Variants in CAP2 observed in about 807,000 individuals in gnomAD.
The protein encoded by CAP2 is cyclase associated actin cytoskeleton regulatory protein 2.
Under a neutral mutation model 57.7 loss-of-function variants are expected in CAP2, and 24 were observed. The observed-to-expected ratio is 0.42, with a 90% confidence interval of 0.30 to 0.58. The LOEUF (loss-of-function observed/expected upper bound fraction) is 0.58, where lower values mean the gene tolerates loss of function less well. CAP2 is among the 20% of genes least tolerant of loss of function. The pLI is 0.22. For missense variants in CAP2, 501 were observed against 590.3 expected, an observed-to-expected ratio of 0.85 and a Z score of 1.57; for synonymous variants, 194 against 207.2, an observed-to-expected ratio of 0.94 and a Z score of 0.55.
At chr6:17,523,338 A>C (rs1021300620) in intron 7 of CAP2, among the ~76,000 whole-genome samples, 1 of 152,160 alleles carries the variant, frequency 6.6e-6, no homozygotes, top group Non-Finnish European at 1.5e-5. Context: ...CTGGTAGAGA[A>C]GGAAGAAAAA....
intron 1 of CAP2, among the ~76,000 whole-genome samples, chr6:17,416,133 A>G (rs985449622): frequency 9.2e-6 from 1 of 108,584 alleles, no homozygotes; most frequent in Admixed American, 1.0e-4. Flanking sequence ...TTTTATGGTA[A>G]CCGCACATAC....
intron 6 of CAP2, among the ~76,000 whole-genome samples, chr6:17,508,001 A>C (rs1477781358): frequency 6.6e-6 from 1 of 152,232 alleles, no homozygotes; most frequent in East Asian, 1.9e-4. Context: ...ATGTATTCCC[A>C]CAATAATCAG....
chr6:17,537,434 G>A (rs748506687), intron 7 of CAP2, among the ~76,000 whole-genome samples: 11 of 152,010 alleles, frequency 7.2e-5, no homozygotes, highest in Non-Finnish European at 1.3e-4. Context: ...TGATCCAAGC[G>A]ATCTACCCTT....
intron 11 of CAP2, among the ~76,000 whole-genome samples, chr6:17,543,586 C>T (rs1762961386): frequency 6.9e-6 from 1 of 145,050 alleles, no homozygotes; most frequent in Non-Finnish European, 1.5e-5. Flanking sequence ...GATCGCGCCA[C>T]TGCACTCCAG....
chr6:17,519,400 G>T (rs12524148), intron 7 of CAP2, among the ~76,000 whole-genome samples: 14,504 of 152,104 alleles, frequency 0.095, 767 homozygotes, highest in East Asian at 0.23. Flanking sequence ...AATCTGTCTG[G>T]AATGTCTTCT....
At chr6:17,420,014 G>A (rs1474360217) in intron 1 of CAP2, among the ~76,000 whole-genome samples, 1 of 152,160 alleles carries the variant, frequency 6.6e-6, no homozygotes, top group Non-Finnish European at 1.5e-5. Flanking sequence ...TGGGATTACA[G>A]GCGTGTGCCA....
chr6:17,400,673 C>A (rs1237635089), intron 1 of CAP2, among the ~76,000 whole-genome samples: 4 of 151,912 alleles, frequency 2.6e-5, no homozygotes, highest in Admixed American at 6.6e-5. Context: ...ACCATCCTAG[C>A]TAACATGGTG....
At chr6:17,410,400 T>G (rs1340966299) in intron 1 of CAP2, among the ~76,000 whole-genome samples, 1 of 152,190 alleles carries the variant, frequency 6.6e-6, no homozygotes, top group East Asian at 1.9e-4. Flanking sequence ...CCAGTGATTC[T>G]TACGCAGATG....
chr6:17,440,259 G>A (rs1411280677), intron 3 of CAP2, among the ~76,000 whole-genome samples: 1 of 151,422 alleles, frequency 6.6e-6, no homozygotes, highest in African/African-American at 2.4e-5. Flanking sequence ...TTGGAGGACA[G>A]GGGCTGTTAT....
intron 4 of CAP2, among the ~76,000 whole-genome samples, chr6:17,499,398 C>CAAAAAAAAAAA (rs71002217): frequency 3.2e-4 from 22 of 69,562 alleles, no homozygotes; most frequent in African/African-American, 1.0e-3. Flanking sequence ...GACTCCATCT[C>CAAAAAAAAAAA]AAAAAAAAAA....
chr6:17,450,838 T>A (rs1003299236), intron 3 of CAP2, among the ~76,000 whole-genome samples: 4 of 152,218 alleles, frequency 2.6e-5, no homozygotes, highest in Non-Finnish European at 5.9e-5. Context: ...TGCTAATTTT[T>A]AACAATTACC....
chr6:17,527,679 C>G (rs1762542364), intron 7 of CAP2, among the ~76,000 whole-genome samples: 1 of 147,210 alleles, frequency 6.8e-6, no homozygotes. Context: ...TCGCTGCAGT[C>G]TCGCCTCCCG....
intron 4 of CAP2, among the ~76,000 whole-genome samples, chr6:17,483,798 G>A (rs1406002121): frequency 3.3e-5 from 5 of 152,080 alleles, no homozygotes; most frequent in African/African-American, 1.2e-4. Flanking sequence ...CCCCGGCATG[G>A]CTGACGGGGT....
At chr6:17,450,055 C>CTTT (rs560454962) in intron 3 of CAP2, among the ~76,000 whole-genome samples, 1 of 144,400 alleles carries the variant, frequency 6.9e-6, no homozygotes, top group Non-Finnish European at 1.5e-5. Context: ...TCAGTTCTAC[C>CTTT]TTTTTTTTTT....
chr6:17,537,307 C>G (rs1762797067), intron 7 of CAP2, among the ~76,000 whole-genome samples: 1 of 152,098 alleles, frequency 6.6e-6, no homozygotes, highest in South Asian at 2.1e-4. Context: ...CCACCTCAGC[C>G]TCCGCAGTAG....
chr6:17,466,276 C>T (rs1760862450), intron 4 of CAP2, among the ~76,000 whole-genome samples: 1 of 152,206 alleles, frequency 6.6e-6, no homozygotes, highest in African/African-American at 2.4e-5. Context: ...TGACATACAA[C>T]AGTGATTCTC....
At chr6:17,507,114 T>A in intron 4 of CAP2, 55 bp from the exon 5 acceptor site, 8 of 1,592,632 alleles carry the variant, frequency 5.0e-6, no homozygotes, top group Non-Finnish European at 6.9e-6. Flanking sequence ...TGGATAGAGG[T>A]GCTATGCGTC....
chr6:17,476,669 G>A (rs1373761213), intron 4 of CAP2, among the ~76,000 whole-genome samples: 1 of 152,036 alleles, frequency 6.6e-6, no homozygotes, highest in Non-Finnish European at 1.5e-5. Flanking sequence ...CATCTCCCAA[G>A]GCTTAAATGG....
chr6:17,412,846 G>C (rs1044191241), intron 1 of CAP2, among the ~76,000 whole-genome samples: 4 of 152,166 alleles, frequency 2.6e-5, no homozygotes, highest in African/African-American at 7.2e-5. Context: ...ATGTGGTTTC[G>C]ATAGTCGATG....
Sources: allele counts gnomAD v4.1 joint callset (sites outside exome capture counted in the v4.1 genomes callset), GRCh38; gene constraint gnomAD v4.1.1; transcripts MANE v1.5; gene names NCBI Gene and HGNC (gene_info 2026-07-23, HGNC 2026-07-21).